Variants in ZBTB40 observed in about 807,000 individuals in gnomAD.
ZBTB40 encodes the protein zinc finger and BTB domain-containing protein 40.
In ZBTB40, 60 loss-of-function variants were observed where a neutral mutation model predicts 117.5. The observed-to-expected ratio is 0.51, with a 90% CI of 0.41 to 0.63. The LOEUF is 0.63. ZBTB40 is among the 30% of genes least tolerant of loss of function. ZBTB40 has a pLI of 0.00. For synonymous variants in ZBTB40, 525 were observed against 577.1 expected (o/e 0.91, Z 1.29); for missense variants, 1,287 against 1,498.5 (o/e 0.86, Z 2.33).
chr1:22,508,950 C>A, intron 8 of ZBTB40, 150 bp from the exon 9 acceptor site: 1 of 1,211,810 alleles, frequency 8.3e-7, no homozygotes, highest in Non-Finnish European at 1.2e-6. Context: ...ACTCTGATTA[C>A]AGTGCTATTT....
chr1:22,461,472 G>A (rs977727917), intron 1 of ZBTB40, among the ~76,000 whole-genome samples: 3 of 151,862 alleles, frequency 2.0e-5, no homozygotes, highest in African/African-American at 4.8e-5. Flanking sequence ...CCTCTTTTAC[G>A]TTTTTTTGTT....
In ZBTB40 at chr1:22,526,904, C is replaced by T. The variant is rs188393820; in HGVS notation, c.*508C>T. The stretch of plus-strand genomic sequence containing the variant: ...GGACCTTAGGCCCCTTCCTGAGGCA[C>T]ACTTGGCCCCTTCCTCGGTCCTATC... On this transcript the variant is annotated 3_prime_UTR_variant, in exon 18 of 18. Transcript: ENST00000375647. 2.9e-5 allele frequency: 7 copies of T among 240,856 alleles called. No individual in the cohort carries two copies. In the East Asian group the frequency reaches 5.2e-4, roughly 18 times the overall value. The allele number at this position is 240,856 out of a possible 1,614,324, so 14.9% of individuals were successfully genotyped here. A position where few individuals can be genotyped will look rare whatever the true frequency, so the allele number is the denominator to read the frequency against.
rs1301303571 is a variant in ZBTB40, at chr1:22,430,697, C to CT, written c.-70+1685dup. On this transcript the variant is annotated intron_variant, in intron 1 of 8. Coordinates refer to the ZBTB40 transcript ENST00000650433. ...ATGTTGCCGAGGCTGGTCTTGAACT[C>CT]TTAGGCTGAAGCAATTCTCCCATCC... Among the ~76,000 whole-genome samples, 5 of 150,796 alleles carry CT rather than the reference C, an allele frequency of 3.3e-5. No individual in the cohort carries two copies. In the East Asian group the frequency reaches 7.8e-4, roughly 23 times the overall value.
At chr1:22,469,916 TAAAG>T (rs1383875066) in intron 1 of ZBTB40, among the ~76,000 whole-genome samples, 1 of 152,186 alleles carries the variant, frequency 6.6e-6, no homozygotes, top group Non-Finnish European at 1.5e-5. Flanking sequence ...TTTTATGACT[TAAAG>T]ATAGTTATTT....
At position 22,509,090 on chromosome 1, in the gene ZBTB40, T is replaced by C. The variant is rs769953725; in HGVS notation, c.1700-10T>C. The C allele has an allele frequency of 7.4e-6, 12 of 1,613,326 alleles. No individual in the cohort carries two copies. In the Admixed American group the frequency reaches 1.5e-4, roughly 20 times the overall value. On this transcript the variant is annotated splice_polypyrimidine_tract_variant and intron_variant, in intron 8 of 17. Transcript: ENST00000375647. ...TTGCCTAATGAGTTTTTGATCCCCCTTTTTTTCAGTGACCACCCCAGAACA... is the reference window on the plus strand; with the variant it reads ...TTGCCTAATGAGTTTTTGATCCCCCCTTTTTTCAGTGACCACCCCAGAACA...
intron 14 of ZBTB40, 86 bp from the exon 15 acceptor site, chr1:22,521,410 T>C (rs1173379329): frequency 4.2e-5 from 65 of 1,553,806 alleles, no homozygotes; most frequent in Non-Finnish European, 5.7e-5. Flanking sequence ...TATCCAAAAA[T>C]GTATTTCTTT....
intron 9 of ZBTB40, 140 bp downstream of exon 9, chr1:22,509,373 G>GCAAGAC: frequency 2.4e-6 from 3 of 1,264,314 alleles, no homozygotes; most frequent in Non-Finnish European, 3.3e-6. Context: ...TTGAGACAGA[G>GCAAGAC]TCTTGCTCTG....
chr1:22,520,945 G>A (rs955413638), intron 14 of ZBTB40, among the ~76,000 whole-genome samples: 1 of 152,242 alleles, frequency 6.6e-6, no homozygotes, highest in African/African-American at 2.4e-5. Flanking sequence ...GCCCTAGGAT[G>A]GCGTGGAATG....
intron 16 of ZBTB40, among the ~76,000 whole-genome samples, chr1:22,522,975 TCTCA>T (rs1393854749): frequency 1.7e-5 from 2 of 116,410 alleles, no homozygotes; most frequent in Non-Finnish European, 3.7e-5. Context: ...TGAGATGGAG[TCTCA>T]CTCTGTCACC....
rs1364953181 is a variant in ZBTB40, at chr1:22,481,238, A to G, written c.-69-8642A>G. Reference sequence around the variant, plus strand: ...TGGGAGAAAAAGAGCCATTTACTTCAGCTCAGTGTGCCATTTTGCCAAAAG... The same window carrying G: ...TGGGAGAAAAAGAGCCATTTACTTCGGCTCAGTGTGCCATTTTGCCAAAAG... On this transcript the variant is annotated intron_variant, in intron 1 of 17. Coordinates refer to ENST00000375647, the MANE Select transcript of ZBTB40 (RefSeq NM_014870.4). Among the ~76,000 whole-genome samples, 3 of 151,994 alleles carry G rather than the reference A, an allele frequency of 2.0e-5. No individual in the cohort carries two copies. In the East Asian group the frequency reaches 5.8e-4, roughly 29 times the overall value.
rs1641151583 is a variant in ZBTB40 at position 22,462,313 on chromosome 1, G to C, written c.-70+10309G>C. 2.0e-5 allele frequency among the ~76,000 whole-genome samples: 3 copies of C among 152,140 alleles called. No individual in the cohort carries two copies. In the South Asian group the frequency reaches 6.2e-4, roughly 32 times the overall value. On this transcript the variant is annotated intron_variant, in intron 1 of 17. Coordinates refer to ENST00000375647, the MANE Select transcript of ZBTB40 (RefSeq NM_014870.4). ...CCACTCACTGGCTTTGTGATTTGGG[G>C]CAGGTCATTTAATCTCTCTAGGCCT...
chr1:22,480,176 G>C (rs1383292763), intron 1 of ZBTB40, among the ~76,000 whole-genome samples: 1 of 152,116 alleles, frequency 6.6e-6, no homozygotes, highest in African/African-American at 2.4e-5. Context: ...AAAGTGCTGG[G>C]ATTACAGGCG....
At chr1:22,505,232 G>T (rs562439306) in intron 5 of ZBTB40, among the ~76,000 whole-genome samples, 1 of 152,282 alleles carries the variant, frequency 6.6e-6, no homozygotes, top group East Asian at 1.9e-4. Flanking sequence ...ATAATCCCCT[G>T]CTTTATCAGT....
intron 14 of ZBTB40, 79 bp from the exon 15 acceptor site, chr1:22,521,417 C>CT: frequency 6.3e-7 from 1 of 1,575,818 alleles, no homozygotes; most frequent in Non-Finnish European, 8.7e-7. Context: ...AAATGTATTT[C>CT]TTTCTCTCAT....
At chr1:22,429,375 C>T (rs1484095984) in intron 1 of ZBTB40, among the ~76,000 whole-genome samples, 1 of 150,742 alleles carries the variant, frequency 6.6e-6, no homozygotes, top group Non-Finnish European at 1.5e-5. Context: ...AGCAAGACTC[C>T]GCCTCAAAAA....
rs1456182943 is a variant in ZBTB40 at position 22,528,569 on chromosome 1, T to A, written c.*2173T>A. 2 of 152,336 alleles carry A rather than the reference T, an allele frequency of 1.3e-5. No homozygotes were observed. The highest frequency in any genetic ancestry group is 4.1e-4 in the South Asian group (2 of 4,824). The allele number at this position is 152,336 out of a possible 1,614,324, so 9.4% of individuals were successfully genotyped here. A position where few individuals can be genotyped will look rare whatever the true frequency, so the allele number is the denominator to read the frequency against. On this transcript the variant is annotated 3_prime_UTR_variant, in exon 18 of 18. Transcript: ENST00000375647. ...TTGGGGGAGACAGGGTCTTGCTCTG[T>A]CACCCAGACTGGAACACAGTGGCAC...
At position 22,490,787 on chromosome 1, in the gene ZBTB40, A is replaced by G. The variant is rs372224922; in HGVS notation, c.697+142A>G. The G allele has an allele frequency of 6.4e-5, 59 of 927,416 alleles. No homozygotes were observed. In the East Asian group the frequency reaches 1.3e-3, roughly 20 times the overall value. 57.4% of individuals were successfully genotyped at this position (927,416 alleles called of 1,614,324 possible). On this transcript the variant is annotated intron_variant, in intron 2 of 17. Transcript: ENST00000375647. Reference sequence around the variant, plus strand: ...CAGTACCGTACTGGGCCATTCTTTTAAAAGTGTCTGTGTTTTTGAACATTG... The same window carrying G: ...CAGTACCGTACTGGGCCATTCTTTTGAAAGTGTCTGTGTTTTTGAACATTG...
At chr1:22,483,472 G>C (rs1327424560) in intron 1 of ZBTB40, among the ~76,000 whole-genome samples, 3 of 152,118 alleles carry the variant, frequency 2.0e-5, no homozygotes, top group Non-Finnish European at 1.5e-5. Context: ...CCTGTGTTTT[G>C]GATTTTGGTC....
In ZBTB40 at chr1:22,524,445, G is replaced by A; in HGVS notation, c.3525+1G>A. On this transcript the variant is annotated splice_donor_variant, in intron 17 of 17. Coordinates refer to ENST00000375647, the MANE Select transcript of ZBTB40 (RefSeq NM_014870.4). LOFTEE classifies it high-confidence loss of function. The stretch of plus-strand genomic sequence containing the variant: ...GGCCGCAGCCTCACAGATGGCGCAG[G>A]TGATTCTGGGGCCATCAGCTACATT... 6.2e-7 allele frequency: 1 copy of A among 1,612,990 alleles called. No homozygotes were observed. Among genetic ancestry groups the A allele is most frequent in the Non-Finnish European group, 8.5e-7 (1 of 1,180,018 alleles).
Sources: gnomAD v4.1 joint callset for allele counts (sites outside exome capture counted in the v4.1 genomes callset) on GRCh38, gnomAD v4.1.1 for gene constraint, MANE v1.5 for transcripts, NCBI Gene and HGNC (gene_info 2026-07-23, HGNC 2026-07-21) for gene names.